The following CRIM1 variants were observed in gnomAD, a reference collection of about 807,000 sequenced individuals.
The protein encoded by CRIM1 is cysteine-rich motor neuron 1 protein.
A neutral mutation model predicts 116.4 loss-of-function variants in CRIM1; 32 were observed. That is an observed-to-expected ratio of 0.27 (90% confidence interval 0.21 to 0.37). The LOEUF (loss-of-function observed/expected upper bound fraction) is 0.37, where lower values mean the gene tolerates loss of function less well. Ranked by LOEUF, CRIM1 falls within the 10% of genes least tolerant of loss-of-function variation. The probability of loss-of-function intolerance (pLI) is 1.00; values close to 1 mark genes in which losing one functional copy is unlikely to be tolerated. For synonymous variants in CRIM1, 590 were observed against 509.2 expected (o/e 1.16, Z -2.13); for missense variants, 1,331 against 1,354.8 (o/e 0.98, Z 0.28).
At chr2:36,526,446 T>G (rs1490269287) in intron 13 of CRIM1, among the ~76,000 whole-genome samples, 3 of 152,244 alleles carry the variant, frequency 2.0e-5, no homozygotes, top group African/African-American at 2.4e-5. Flanking sequence ...CCCATGGCCA[T>G]TTCACTGATG....
intron 4 of CRIM1, among the ~76,000 whole-genome samples, chr2:36,461,999 C>T (rs115162870): frequency 0.01 from 1,554 of 152,210 alleles, 29 homozygotes; most frequent in African/African-American, 0.035. Flanking sequence ...AAGATGGCAA[C>T]AGGTAGATCA....
At chr2:36,422,532 T>C (rs1202699990) in intron 2 of CRIM1, among the ~76,000 whole-genome samples, 1 of 152,222 alleles carries the variant, frequency 6.6e-6, no homozygotes, top group African/African-American at 2.4e-5. Context: ...GTTATTTCAC[T>C]ACTTATCGCT....
intron 1 of CRIM1, among the ~76,000 whole-genome samples, chr2:36,379,904 A>T (rs1400237535): frequency 1.4e-5 from 1 of 73,480 alleles, no homozygotes; most frequent in Non-Finnish European, 3.3e-5. Flanking sequence ...TGGTTTGGTT[A>T]AAAAAAAAAA....
At chr2:36,402,861 T>G (rs1387204361) in intron 2 of CRIM1, among the ~76,000 whole-genome samples, 1 of 151,988 alleles carries the variant, frequency 6.6e-6, no homozygotes, top group Non-Finnish European at 1.5e-5. Context: ...GGACCAGATT[T>G]AGGAAGGACC....
chr2:36,438,939 C>T (rs1458118573), intron 2 of CRIM1, among the ~76,000 whole-genome samples: 1 of 152,136 alleles, frequency 6.6e-6, no homozygotes, highest in Non-Finnish European at 1.5e-5. Flanking sequence ...AATAACTAAC[C>T]TTCTGGGGTT....
intron 12 of CRIM1, 68 bp downstream of exon 12, chr2:36,517,610 G>A (rs1572911898): frequency 6.7e-7 from 1 of 1,487,292 alleles, no homozygotes; most frequent in East Asian, 2.3e-5. Flanking sequence ...GTCATTCTGT[G>A]GGACCCACAG....
At position 36,356,309 on chromosome 2, in the gene CRIM1, G is replaced by T; in HGVS notation, c.17G>T (p.Gly6Val). The T allele has an allele frequency of 6.5e-7, 1 of 1,547,408 alleles. No individual in the cohort carries two copies. Among genetic ancestry groups the T allele is most frequent in the South Asian group, 1.2e-5 (1 of 82,384 alleles). Reference protein sequence around the residue: MYLVAGDRGLAGCGHL... With the variant: MYLVAVDRGLAGCGHL... ...CGCAGGAGGATGTACTTGGTGGCGG[G>T]GGACAGGGGGTTGGCCGGCTGCGGG... The change falls in exon 1 of 17, where the codon GGG (glycine) becomes GTG (valine). Residue 6 changes from glycine (G) to valine (V), a missense_variant. Gly to Val is a moderately radical substitution (Grantham distance 109). Coordinates refer to ENST00000280527, the MANE Select transcript of CRIM1 (RefSeq NM_016441.3). This position sits in a 1 kb window ranked among gnomAD's most constrained non-coding sequence, Gnocchi z 4.3.
intron 8 of CRIM1, among the ~76,000 whole-genome samples, chr2:36,501,125 C>T (rs1357174294): frequency 6.6e-6 from 1 of 152,184 alleles, no homozygotes; most frequent in Non-Finnish European, 1.5e-5. Flanking sequence ...TCTTAAATCT[C>T]TTTCCATTCT....
chr2:36,489,900 T>C (rs1159129805), intron 7 of CRIM1, among the ~76,000 whole-genome samples: 1 of 152,160 alleles, frequency 6.6e-6, no homozygotes, highest in Admixed American at 6.6e-5. Flanking sequence ...GGAGACATCA[T>C]AGACATAGTC....
Position 36,515,508 on chromosome 2 carries a change from C to G in CRIM1, c.1990+1743C>G, listed in dbSNP as rs936809538. Among the ~76,000 whole-genome samples, 6 of 152,224 alleles carry G rather than the reference C, an allele frequency of 3.9e-5. No individual in the cohort carries two copies. The South Asian group carries it at 6.2e-4, about 16-fold the overall frequency. On this transcript the variant is annotated intron_variant, in intron 11 of 16. Transcript: ENST00000280527. ...TTAGAGACTCCAGAGCTGTTGCATT[C>G]ACGGACTCCTACTTTAAAGAATATT...
At chr2:36,396,874 C>A in intron 2 of CRIM1, 87 bp downstream of exon 2, 1 of 1,156,792 alleles carries the variant, frequency 8.6e-7, no homozygotes, top group Non-Finnish European at 1.2e-6. Flanking sequence ...CTTGAAAAGG[C>A]AAAGACAAGT....
rs749249949 is a variant in CRIM1 at position 36,544,472 on chromosome 2, A to G, written c.2720A>G (p.Glu907Gly). The change falls in exon 15 of 17, where the codon GAA becomes GGA. Residue 907 changes from glutamate to glycine, a missense_variant. Around this residue, in one of 3 missense-constraint regions of CRIM1, gnomAD observed 283 missense variants for 242.8 expected, o/e 1.17. Transcript: ENST00000280527. ...LEVPLWPTPSENDIVHLPRDM... is the reference protein window; with the variant it reads ...LEVPLWPTPSGNDIVHLPRDM... ...GTTCCCCTGTGGCCCACGCCTAGTGAAAATGATATCGTCCATCTCCCTAGA... is the reference window on the plus strand; with the variant it reads ...GTTCCCCTGTGGCCCACGCCTAGTGGAAATGATATCGTCCATCTCCCTAGA... The G allele has an allele frequency of 1.4e-6, 2 of 1,387,608 alleles. No individual in the cohort carries two copies. Among genetic ancestry groups the G allele is most frequent in the Non-Finnish European group, 1.9e-6 (2 of 1,064,794 alleles). 86.0% of individuals were successfully genotyped at this position (1,387,608 alleles called of 1,614,324 possible).
rs140236661 is a variant in CRIM1, at chr2:36,446,258, C to A, written c.869+3523C>A. ...ATTGCCCTTCCCTATGAGACTATTTCACCCATTCGGGCCCTTAACTGCCCC... is the reference window on the plus strand; with the variant it reads ...ATTGCCCTTCCCTATGAGACTATTTAACCCATTCGGGCCCTTAACTGCCCC... On this transcript the variant is annotated intron_variant, in intron 4 of 16. Coordinates refer to ENST00000280527, the MANE Select transcript of CRIM1 (RefSeq NM_016441.3). 5.3e-5 allele frequency among the ~76,000 whole-genome samples: 8 copies of A among 152,296 alleles called. No individual in the cohort carries two copies. The East Asian group carries it at 1.5e-3, about 29-fold the overall frequency.
Position 36,515,393 on chromosome 2 carries a change from G to A in CRIM1, c.1990+1628G>A, listed in dbSNP as rs78079269. ...TGGGTGTGTCAACATCTGGATATAC[G>A]TGTATGAAAACACATTTCTGTAGAT... On this transcript the variant is annotated intron_variant, in intron 11 of 16. Transcript: ENST00000280527. Among the ~76,000 whole-genome samples, 1,326 of 152,302 alleles carry A rather than the reference G, an allele frequency of 8.7e-3. 20 individuals carry two copies. Among genetic ancestry groups the A allele is most frequent in the African/African-American group, 0.031 (1,271 of 41,576 alleles).
At chr2:36,403,708 G>A (rs1438885425) in intron 2 of CRIM1, among the ~76,000 whole-genome samples, 1 of 152,186 alleles carries the variant, frequency 6.6e-6, no homozygotes, top group Non-Finnish European at 1.5e-5. Flanking sequence ...ATGCTGGAGA[G>A]GAGGTGGTCA....
At chr2:36,507,312 G>A (rs1465698188) in intron 8 of CRIM1, among the ~76,000 whole-genome samples, 3 of 152,182 alleles carry the variant, frequency 2.0e-5, no homozygotes, top group Non-Finnish European at 4.4e-5. Context: ...GCAAGTGCTA[G>A]TATTTCAGGA....
At chr2:36,376,798 G>A (rs1352950425) in intron 1 of CRIM1, among the ~76,000 whole-genome samples, 6 of 152,098 alleles carry the variant, frequency 3.9e-5, no homozygotes, top group African/African-American at 1.4e-4. Context: ...CTGACTTCCT[G>A]ACCTGCTGTG....
intron 8 of CRIM1, among the ~76,000 whole-genome samples, chr2:36,506,944 C>T (rs1293465919): frequency 1.3e-5 from 2 of 152,034 alleles, no homozygotes; most frequent in East Asian, 1.9e-4. Context: ...ACTGCAGCCT[C>T]GACCTCCTGG....
At chr2:36,539,481 T>A (rs913994596) in intron 14 of CRIM1, among the ~76,000 whole-genome samples, 3 of 152,104 alleles carry the variant, frequency 2.0e-5, no homozygotes, top group Admixed American at 6.5e-5. Flanking sequence ...GATGAAACCT[T>A]GGAAGGTTTG....
Sources: allele counts gnomAD v4.1 joint callset (sites outside exome capture counted in the v4.1 genomes callset), GRCh38; gene constraint gnomAD v4.1.1; regional missense constraint gnomAD v4.1.1; non-coding constraint Gnocchi (gnomAD v3.1); transcripts MANE v1.5; gene names NCBI Gene and HGNC (gene_info 2026-07-23, HGNC 2026-07-21).